The following CLCN5 variants were observed in gnomAD, a reference collection of about 807,000 sequenced individuals.
CLCN5 encodes H(+)/Cl(-) exchange transporter 5.
Under a neutral mutation model 54.0 loss-of-function variants are expected in CLCN5, and 17 were observed. The ratio of observed to expected loss-of-function variants is 0.31; its 90% CI spans 0.22 to 0.47. The LOEUF (loss-of-function observed/expected upper bound fraction) is 0.47, where lower values mean the gene tolerates loss of function less well. Among genes scored for constraint, CLCN5 ranks in the 20% least tolerant of loss-of-function variants. The probability of loss-of-function intolerance (pLI) is 1.00; values close to 1 mark genes in which losing one functional copy is unlikely to be tolerated. For missense variants in CLCN5, 448 were observed against 646.7 expected (o/e 0.69, Z 3.33); for synonymous variants, 222 against 233.0 (o/e 0.95, Z 0.43).
At chrX:49,932,989 G>A (rs1416412404) in intron 3 of CLCN5, among the ~76,000 whole-genome samples, 1 of 111,790 alleles carries the variant, frequency 8.9e-6, no homozygotes, top group African/African-American at 3.3e-5. Flanking sequence ...GTGAATTGAC[G>A]AGAAAGCTTT....
intron 3 of CLCN5, among the ~76,000 whole-genome samples, chrX:49,950,186 C>G (rs186176826): frequency 8.9e-6 from 1 of 111,782 alleles, no homozygotes; most frequent in Admixed American, 9.5e-5. Flanking sequence ...TTTGGACTGA[C>G]TCCCAAACTC....
chrX:49,958,973 A>G (rs1238114595), intron 3 of CLCN5, among the ~76,000 whole-genome samples: 1 of 111,814 alleles, frequency 8.9e-6, no homozygotes, highest in Non-Finnish European at 1.9e-5. Flanking sequence ...CTATAGCTAC[A>G]TTAGTTCCTG....
At position 49,930,552 on chromosome X, in the gene CLCN5, A is replaced by G. The variant is rs781867824; in HGVS notation, c.16+5238A>G. Among the ~76,000 whole-genome samples, 4 of 111,509 alleles carry G rather than the reference A, an allele frequency of 3.6e-5. No homozygotes were observed. The Admixed American group carries it at 3.8e-4, about 11-fold the overall frequency. Reference sequence around the variant, plus strand: ...AAATAGGTTCATAACATAATGTTAAACCCAGGGGTCAGGGAGTGGGGGAGC... The same window carrying G: ...AAATAGGTTCATAACATAATGTTAAGCCCAGGGGTCAGGGAGTGGGGGAGC... On this transcript the variant is annotated intron_variant, in intron 3 of 14. Transcript: ENST00000376091.
chrX:50,078,330 TCACA>T (rs781899764), intron 7 of CLCN5, among the ~76,000 whole-genome samples: 1 of 109,328 alleles, frequency 9.1e-6, no homozygotes, highest in Non-Finnish European at 1.9e-5. Flanking sequence ...TGAGATCCTG[TCACA>T]CACACACACA....
intron 3 of CLCN5, among the ~76,000 whole-genome samples, chrX:50,031,133 T>C (rs191633456): frequency 1.8e-5 from 2 of 111,882 alleles, no homozygotes; most frequent in Non-Finnish European, 3.8e-5. Context: ...TAAGGGAACA[T>C]AGCATATTAT....
intron 14 of CLCN5, 140 bp downstream of exon 14, chrX:50,091,026 T>C (rs1934080457): frequency 2.0e-6 from 1 of 503,702 alleles, no homozygotes; most frequent in Admixed American, 3.4e-5. Flanking sequence ...GAGATGAAAG[T>C]GGATAGGTTT....
intron 3 of CLCN5, among the ~76,000 whole-genome samples, chrX:50,036,371 C>T (rs1001394699): frequency 8.9e-6 from 1 of 111,970 alleles, no homozygotes; most frequent in Admixed American, 9.5e-5. Context: ...ACTAAAAGGA[C>T]GCTTTATAAC....
intron 4 of CLCN5, among the ~76,000 whole-genome samples, chrX:50,057,985 C>T (rs1932792830): frequency 9.0e-6 from 1 of 111,067 alleles, no homozygotes; most frequent in African/African-American, 3.3e-5. Context: ...ATATAATAGG[C>T]TCTTAGTATT....
intron 3 of CLCN5, chrX:50,003,219 G>A (rs1557180825): frequency 2.6e-6 from 1 of 383,982 alleles, no homozygotes; most frequent in Non-Finnish European, 5.2e-6. Flanking sequence ...CACACCCAAG[G>A]CTTGCAGAAG....
rs1557194981 is a variant in CLCN5 at position 50,092,646 on chromosome X, T to C, written c.*427T>C. On this transcript the variant is annotated 3_prime_UTR_variant, in exon 15 of 15. Transcript: ENST00000376091. ...TAACTGTTGTTACTGGAAGACGAAG[T>C]GTAAACTAAGGGGCTTTGCTTTTCA... 7.5e-6 allele frequency: 1 copy of C among 134,076 alleles called. No homozygotes were observed. The highest frequency in any genetic ancestry group is 1.5e-5 in the Non-Finnish European group (1 of 66,537). The allele number at this position is 134,076 out of a possible 1,213,427, so 11.0% of individuals were successfully genotyped here. A position where few individuals can be genotyped will look rare whatever the true frequency, so the allele number is the denominator to read the frequency against.
chrX:50,064,332 G>A (rs1557190445), intron 4 of CLCN5, among the ~76,000 whole-genome samples: 1 of 103,068 alleles, frequency 9.7e-6, no homozygotes, highest in African/African-American at 3.6e-5. Context: ...CAAAATCAAT[G>A]TACAAAAATC....
At chrX:50,088,442 G>C in intron 11 of CLCN5, 2 of 394,513 alleles carry the variant, frequency 5.1e-6, no homozygotes, top group Non-Finnish European at 4.5e-6. Context: ...TTCTGTGTTG[G>C]TCTGGAGAGT....
chrX:49,938,424 C>G (rs1245390580), intron 3 of CLCN5, among the ~76,000 whole-genome samples: 1 of 111,725 alleles, frequency 9.0e-6, no homozygotes, highest in Non-Finnish European at 1.9e-5. Flanking sequence ...CAGTATGGTA[C>G]TGGTACCAAA....
At chrX:50,002,876 T>C in intron 3 of CLCN5, among the ~76,000 whole-genome samples, 1 of 111,531 alleles carries the variant, frequency 9.0e-6, no homozygotes, top group Non-Finnish European at 1.9e-5. Context: ...GATCACCTCA[T>C]GGATATTTTA....
At chrX:50,085,699 G>T (rs917409826) in intron 9 of CLCN5, 1 of 366,941 alleles carries the variant, frequency 2.7e-6, no homozygotes, top group Non-Finnish European at 4.8e-6. Flanking sequence ...ACTGAATTGG[G>T]AGTATGGGAG....
intron 11 of CLCN5, 89 bp downstream of exon 11, chrX:50,086,959 C>CATA: frequency 1.2e-6 from 1 of 858,833 alleles, no homozygotes; most frequent in Non-Finnish European, 1.7e-6. Context: ...CCTGATAGCT[C>CATA]ATATGGTGCT....
intron 3 of CLCN5, chrX:49,945,272 T>C (rs1474227294): frequency 8.9e-6 from 1 of 111,811 alleles, no homozygotes; most frequent in African/African-American, 3.3e-5. Flanking sequence ...GGATAATTAT[T>C]TCTTAGTATG....
At chrX:49,947,610 A>G (rs1316419278) in intron 3 of CLCN5, among the ~76,000 whole-genome samples, 1 of 111,550 alleles carries the variant, frequency 9.0e-6, no homozygotes, top group Non-Finnish European at 1.9e-5. Flanking sequence ...CCTCAGAGGA[A>G]AAGCTGTATT....
At chrX:49,991,206 C>T (rs1292600353) in intron 3 of CLCN5, among the ~76,000 whole-genome samples, 2 of 111,968 alleles carry the variant, frequency 1.8e-5, no homozygotes, top group African/African-American at 6.5e-5. Flanking sequence ...TCACCATATC[C>T]ACGCCAACAT....
Sources: allele counts gnomAD v4.1 joint callset (sites outside exome capture counted in the v4.1 genomes callset), GRCh38; gene constraint gnomAD v4.1.1; transcripts MANE v1.5; gene names NCBI Gene and HGNC (gene_info 2026-07-23, HGNC 2026-07-21).